Variants in ULK4 observed in about 807,000 individuals in gnomAD.
The protein encoded by ULK4 is unc-51 like kinase 4.
Under a neutral mutation model 160.6 loss-of-function variants are expected in ULK4, and 133 were observed. That is an observed-to-expected ratio of 0.83 (90% CI 0.72 to 0.96). The LOEUF (loss-of-function observed/expected upper bound fraction) is 0.96, where lower values mean the gene tolerates loss of function less well. Among genes scored for constraint, ULK4 ranks in the 40% least tolerant of loss-of-function variants. The pLI is 0.00. For synonymous variants in ULK4, 534 were observed against 539.8 expected, an observed-to-expected ratio of 0.99 and a Z score of 0.15; for missense variants, 1,580 against 1,499.5, an observed-to-expected ratio of 1.05 and a Z score of -0.89.
intron 2 of ULK4, among the ~76,000 whole-genome samples, chr3:41,951,530 G>T (rs372899660): frequency 1.3e-5 from 2 of 152,084 alleles, no homozygotes; most frequent in Non-Finnish European, 2.9e-5. Flanking sequence ...AAGGAGCCCA[G>T]AAATAAACCC....
chr3:41,820,575 T>G (rs979306318), intron 18 of ULK4, among the ~76,000 whole-genome samples: 2 of 151,796 alleles, frequency 1.3e-5, no homozygotes, highest in African/African-American at 4.8e-5. Flanking sequence ...GAACTAAACA[T>G]GAATACACAC....
intron 25 of ULK4, among the ~76,000 whole-genome samples, chr3:41,712,903 AAAGCAAAAAAAC>A (rs2037150713): frequency 1.3e-5 from 2 of 152,030 alleles, no homozygotes; most frequent in African/African-American, 4.8e-5. Flanking sequence ...AAAAAGAAAA[AAAGCAAAAAAAC>A]AAGCAAAAAA....
chr3:41,645,534 T>C (rs1274912872), intron 30 of ULK4, among the ~76,000 whole-genome samples: 4 of 152,252 alleles, frequency 2.6e-5, no homozygotes, highest in African/African-American at 4.8e-5. Flanking sequence ...AGTTCTAGTT[T>C]GATTGCACTG....
chr3:41,317,063 A>ATTT (rs1164870603), intron 35 of ULK4, among the ~76,000 whole-genome samples: 91 of 94,544 alleles, frequency 9.6e-4, no homozygotes, highest in East Asian at 1.3e-3. Flanking sequence ...AATTACATCT[A>ATTT]TTTTTTTTTT....
chr3:41,891,739 C>CTACAAAAA (rs1177077434), intron 16 of ULK4, among the ~76,000 whole-genome samples: 3 of 152,068 alleles, frequency 2.0e-5, no homozygotes, highest in African/African-American at 7.2e-5. Flanking sequence ...AACCTCATCT[C>CTACAAAAA]TACAAAAATA....
chr3:41,497,359 C>A (rs1180528847), intron 32 of ULK4, among the ~76,000 whole-genome samples: 6 of 151,794 alleles, frequency 4.0e-5, no homozygotes, highest in African/African-American at 1.2e-4. Flanking sequence ...TTTTTAAAAA[C>A]AGAGATTCAA....
intron 35 of ULK4, among the ~76,000 whole-genome samples, chr3:41,252,896 G>A (rs1206907873): frequency 1.3e-5 from 2 of 151,694 alleles, no homozygotes; most frequent in African/African-American, 2.4e-5. Flanking sequence ...TGTTGAAAGT[G>A]GGCAGAAAAA....
In ULK4 at chr3:41,566,678, G is replaced by C. The variant is rs542228606; in HGVS notation, c.3121-548C>G. Reference sequence around the variant, plus strand: ...TAGGCAGTAACTTAGGTCCTAAAGAGAATGGAAAATGAGTTATTCTTCAGT... The same window carrying C: ...TAGGCAGTAACTTAGGTCCTAAAGACAATGGAAAATGAGTTATTCTTCAGT... On this transcript the variant is annotated intron_variant, in intron 31 of 36. Coordinates refer to ENST00000301831, the MANE Select transcript of ULK4 (RefSeq NM_017886.4). Among the ~76,000 whole-genome samples the C allele has an allele frequency of 5.7e-4, 87 of 152,288 alleles. 1 individual carries two copies. Among genetic ancestry groups the C allele is most frequent in the African/African-American group, 2.0e-3 (85 of 41,562 alleles).
intron 32 of ULK4, among the ~76,000 whole-genome samples, chr3:41,545,178 G>A (rs532170683): frequency 4.2e-5 from 5 of 119,032 alleles, no homozygotes; most frequent in Non-Finnish European, 1.0e-4. Context: ...TAATTACAGA[G>A]TAACAAAAAA....
At chr3:41,709,569 T>C (rs1255944906) in intron 25 of ULK4, among the ~76,000 whole-genome samples, 1 of 152,048 alleles carries the variant, frequency 6.6e-6, no homozygotes, top group Non-Finnish European at 1.5e-5. Context: ...GTACTTTTAG[T>C]AGAGATGGGG....
chr3:41,763,008 C>T (rs1018087274), intron 21 of ULK4, among the ~76,000 whole-genome samples: 2 of 152,028 alleles, frequency 1.3e-5, no homozygotes, highest in Admixed American at 1.3e-4. Context: ...AGAACTCACT[C>T]ACTATCACAA....
intron 21 of ULK4, among the ~76,000 whole-genome samples, chr3:41,760,940 C>T (rs2038962433): frequency 6.6e-6 from 1 of 152,134 alleles, no homozygotes; most frequent in South Asian, 2.1e-4. Flanking sequence ...CTGATACATG[C>T]AGTGACATGG....
chr3:41,591,894 G>T (rs1278961824), intron 31 of ULK4, among the ~76,000 whole-genome samples: 1 of 152,180 alleles, frequency 6.6e-6, no homozygotes, highest in Non-Finnish European at 1.5e-5. Context: ...AATTACAATT[G>T]CTCCATAATC....
intron 32 of ULK4, among the ~76,000 whole-genome samples, chr3:41,524,485 G>C (rs1485780821): frequency 6.6e-6 from 1 of 152,124 alleles, no homozygotes; most frequent in African/African-American, 2.4e-5. Context: ...AAGTAAAGAG[G>C]AAACCAGTCA....
At chr3:41,302,893 T>C (rs1302727861) in intron 35 of ULK4, among the ~76,000 whole-genome samples, 1 of 152,140 alleles carries the variant, frequency 6.6e-6, no homozygotes, top group Non-Finnish European at 1.5e-5. Flanking sequence ...TGTTCAGAAA[T>C]CTAAATGATC....
chr3:41,605,973 C>T (rs1458910935), intron 31 of ULK4, among the ~76,000 whole-genome samples: 2 of 151,934 alleles, frequency 1.3e-5, no homozygotes, highest in Non-Finnish European at 2.9e-5. Context: ...TACTGGGAAA[C>T]TAAGTAACAC....
chr3:41,894,262 A>T (rs914720017), intron 16 of ULK4, among the ~76,000 whole-genome samples: 30 of 152,222 alleles, frequency 2.0e-4, no homozygotes, highest in Non-Finnish European at 4.3e-4. Context: ...ATTTTTAATG[A>T]GCATACCATG....
At chr3:41,589,929 C>A (rs888239339) in intron 31 of ULK4, among the ~76,000 whole-genome samples, 1 of 151,418 alleles carries the variant, frequency 6.6e-6, no homozygotes, top group African/African-American at 2.4e-5. Context: ...TAAAGACACA[C>A]AATAAGCTCA....
intron 32 of ULK4, among the ~76,000 whole-genome samples, chr3:41,490,804 A>T (rs1242601250): frequency 2.0e-5 from 3 of 152,224 alleles, no homozygotes; most frequent in Non-Finnish European, 2.9e-5. Flanking sequence ...ATTAACTGGG[A>T]TAAGAGAGAC....
Sources: allele counts gnomAD v4.1 joint callset (sites outside exome capture counted in the v4.1 genomes callset), GRCh38; gene constraint gnomAD v4.1.1; transcripts MANE v1.5; gene names NCBI Gene and HGNC (gene_info 2026-07-23, HGNC 2026-07-21).